The following UNC5C variants were observed in gnomAD, a reference collection of about 807,000 sequenced individuals.
UNC5C encodes netrin receptor UNC5C.
UNC5C carries 47 observed loss-of-function variants against 99.8 expected under a neutral mutation model. The ratio of observed to expected loss-of-function variants is 0.47; its 90% CI spans 0.37 to 0.60. UNC5C has a LOEUF of 0.60. UNC5C is among the 20% of genes least tolerant of loss of function. UNC5C has a pLI of 0.00. For synonymous variants in UNC5C, 487 were observed against 452.2 expected (o/e 1.08, Z -0.98); for missense variants, 1,062 against 1,165.9 (o/e 0.91, Z 1.30).
In UNC5C at chr4:95,375,550, T is replaced by G. The variant is rs553395752; in HGVS notation, c.125-39919A>C. ...GAAAACCCACAAAAGCATCATACAA[T>G]TAATTTGAGGCAAAAAGTTTTTGAT... On this transcript the variant is annotated intron_variant, in intron 1 of 15. Coordinates refer to ENST00000453304, the MANE Select transcript of UNC5C (RefSeq NM_003728.4). 1.4e-4 allele frequency among the ~76,000 whole-genome samples: 21 copies of G among 152,276 alleles called. No individual in the cohort carries two copies. In the South Asian group the frequency reaches 3.9e-3, roughly 29 times the overall value.
intron 1 of UNC5C, among the ~76,000 whole-genome samples, chr4:95,413,476 C>A (rs972211785): frequency 6.6e-6 from 1 of 152,166 alleles, no homozygotes; most frequent in Non-Finnish European, 1.5e-5. Context: ...ATCCAGGCAT[C>A]ATCTAACATC....
chr4:95,489,535 T>C (rs1721423137), intron 1 of UNC5C, among the ~76,000 whole-genome samples: 2 of 151,872 alleles, frequency 1.3e-5, no homozygotes, highest in South Asian at 2.1e-4. Context: ...CCTCACTGTC[T>C]GGGGCAGAAT....
At chr4:95,281,918 C>T (rs1374775542) in intron 3 of UNC5C, among the ~76,000 whole-genome samples, 1 of 152,168 alleles carries the variant, frequency 6.6e-6, no homozygotes, top group Non-Finnish European at 1.5e-5. Flanking sequence ...CTGGACTCTA[C>T]CTGCTAGAGA....
chr4:95,176,596 C>G (rs563716678), intron 14 of UNC5C, among the ~76,000 whole-genome samples: 15 of 152,094 alleles, frequency 9.9e-5, no homozygotes, highest in African/African-American at 1.9e-4. Context: ...GCAGTCTGCC[C>G]GTTCTCAGAT....
intron 2 of UNC5C, among the ~76,000 whole-genome samples, chr4:95,321,819 C>T (rs1169888601): frequency 2.0e-5 from 3 of 152,190 alleles, no homozygotes; most frequent in Non-Finnish European, 1.5e-5. Flanking sequence ...CAACTACCAT[C>T]TTGTGACATT....
At chr4:95,424,650 T>C (rs1746422094) in intron 1 of UNC5C, among the ~76,000 whole-genome samples, 1 of 150,744 alleles carries the variant, frequency 6.6e-6, no homozygotes. Flanking sequence ...GCCTCCCGAG[T>C]AGCTGGGACT....
chr4:95,192,338 C>T (rs1385199507), intron 12 of UNC5C, among the ~76,000 whole-genome samples: 2 of 140,424 alleles, frequency 1.4e-5, no homozygotes, highest in South Asian at 2.6e-4. Context: ...CTCCCCTGCT[C>T]ACCTTCTCCC....
chr4:95,223,442 C>T (rs959753800), intron 7 of UNC5C, among the ~76,000 whole-genome samples: 2 of 152,186 alleles, frequency 1.3e-5, no homozygotes, highest in African/African-American at 2.4e-5. Context: ...AACTCTAAAT[C>T]GTGCCTCAGG....
At chr4:95,435,261 G>A (rs543019414) in intron 1 of UNC5C, among the ~76,000 whole-genome samples, 1 of 152,142 alleles carries the variant, frequency 6.6e-6, no homozygotes, top group Admixed American at 6.6e-5. Context: ...CAGGGAGGTT[G>A]ATGTTCAGTT....
At position 95,532,449 on chromosome 4, in the gene UNC5C, T is replaced by TAAAAA. The variant is rs372395809; in HGVS notation, c.124+16280_124+16284dup. Among the ~76,000 whole-genome samples the TAAAAA allele has an allele frequency of 4.6e-3, 656 of 141,408 alleles. 9 individuals carry two copies. Among genetic ancestry groups the TAAAAA allele is most frequent in the East Asian group, 0.043 (204 of 4,772 alleles). The allele number at this position is 141,408 out of a possible 152,430, so 92.8% of individuals were successfully genotyped here. A position where few individuals can be genotyped will look rare whatever the true frequency, so the allele number is the denominator to read the frequency against. On this transcript the variant is annotated intron_variant, in intron 1 of 15. Transcript: ENST00000453304. ...AAAATATGCATTCACCCAACATCAT[T>TAAAAA]AAAAAAAAAAAAAAAATCCCGATTA...
intron 14 of UNC5C, 32 bp downstream of exon 14, chr4:95,182,865 C>T: frequency 1.9e-6 from 3 of 1,594,624 alleles, no homozygotes; most frequent in African/African-American, 1.3e-5. Context: ...GTCGCACTCT[C>T]CCCTGATTTC....
chr4:95,483,002 A>G (rs1297558003), intron 1 of UNC5C, among the ~76,000 whole-genome samples: 1 of 95,246 alleles, frequency 1.0e-5, no homozygotes, highest in Non-Finnish European at 2.0e-5. Flanking sequence ...TAAAACTTAA[A>G]GTATAATAAT....
chr4:95,449,887 C>G (rs1305946812), intron 1 of UNC5C, among the ~76,000 whole-genome samples: 1 of 152,108 alleles, frequency 6.6e-6, no homozygotes, highest in African/African-American at 2.4e-5. Flanking sequence ...AATATTGGAG[C>G]ATTTGTCAAA....
chr4:95,280,239 T>TAACC lies in UNC5C; in HGVS notation c.491-1878_491-1877insGGTT, dbSNP rs1741007731. On this transcript the variant is annotated intron_variant, in intron 3 of 15. Coordinates refer to ENST00000453304, the MANE Select transcript of UNC5C (RefSeq NM_003728.4). ...TACACATTTGCCATATTGTTGAATT[T>TAACC]CTCAGCAGAAGAAAACCCTCAAGAT... Among the ~76,000 whole-genome samples, 3 of 152,198 alleles carry TAACC rather than the reference T, an allele frequency of 2.0e-5. No homozygotes were observed. In the South Asian group the frequency reaches 6.2e-4, roughly 31 times the overall value.
At chr4:95,460,493 C>T (rs914042145) in intron 1 of UNC5C, among the ~76,000 whole-genome samples, 1 of 152,010 alleles carries the variant, frequency 6.6e-6, no homozygotes, top group African/African-American at 2.4e-5. Flanking sequence ...GGCGGTTTCC[C>T]CCATACTGTT....
At chr4:95,393,398 T>C (rs79773082) in intron 1 of UNC5C, among the ~76,000 whole-genome samples, 2,036 of 152,198 alleles carry the variant, frequency 0.013, 46 homozygotes, top group African/African-American at 0.046. Context: ...GGGGGGAATA[T>C]CAAGTAAAGA....
At chr4:95,269,175 T>A (rs1740565132) in intron 4 of UNC5C, among the ~76,000 whole-genome samples, 1 of 152,260 alleles carries the variant, frequency 6.6e-6, no homozygotes, top group African/African-American at 2.4e-5. Flanking sequence ...CTATATATCA[T>A]GTCTATTAAA....
chr4:95,216,210 T>C lies in UNC5C; in HGVS notation c.1647A>G (p.Gly549=), dbSNP rs1471182317. 1 of 1,612,050 alleles carries C rather than the reference T, an allele frequency of 6.2e-7. No homozygotes were observed. Among genetic ancestry groups the C allele is most frequent in the Non-Finnish European group, 8.5e-7 (1 of 1,179,510 alleles). ...LGGHLIVPNS[G]VSLLIPAGAI... is the part of the protein sequence containing the mutation. ...CCCCAGCGGGAATCAGCAAGCTGACTCCTGAATAGCAAAAGAGAAAAGCAG... is the reference window on the plus strand; with the variant it reads ...CCCCAGCGGGAATCAGCAAGCTGACCCCTGAATAGCAAAAGAGAAAAGCAG... The change falls in exon 10 of 16, where the codon GGA becomes GGG. Residue 549 remains glycine (G), a splice_region_variant and synonymous_variant. Transcript: ENST00000453304.
chr4:95,228,835 T>C (rs916201545), intron 7 of UNC5C, among the ~76,000 whole-genome samples: 2 of 152,098 alleles, frequency 1.3e-5, no homozygotes, highest in Admixed American at 6.6e-5. Context: ...AAGCCAAAAA[T>C]AGCATAGAGA....
Sources: allele counts gnomAD v4.1 joint callset (sites outside exome capture counted in the v4.1 genomes callset), GRCh38; gene constraint gnomAD v4.1.1; transcripts MANE v1.5; gene names NCBI Gene and HGNC (gene_info 2026-07-23, HGNC 2026-07-21).